CNTN3: variants seen among roughly 807,000 people sequenced by gnomAD.
CNTN3 encodes contactin 3.
Under a neutral mutation model 119.1 loss-of-function variants are expected in CNTN3, and 60 were observed. The observed-to-expected ratio is 0.50, with a 90% CI of 0.41 to 0.62. The LOEUF is 0.62. Ranked by LOEUF, CNTN3 falls within the 20% of genes least tolerant of loss-of-function variation. The pLI is 0.00. For synonymous variants in CNTN3, 450 were observed against 438.7 expected (o/e 1.03, Z -0.32); for missense variants, 1,101 against 1,242.4 (o/e 0.89, Z 1.71).
intron 11 of CNTN3, 73 bp from the exon 12 acceptor site, chr3:74,336,731 A>G (rs1703404511): frequency 1.6e-6 from 2 of 1,259,336 alleles, no homozygotes; most frequent in African/African-American, 1.5e-5. Flanking sequence ...ACATATTTTT[A>G]CAGAACATGT....
intron 13 of CNTN3, among the ~76,000 whole-genome samples, chr3:74,319,407 A>C (rs1299384307): frequency 5.9e-5 from 9 of 152,250 alleles, no homozygotes; most frequent in Middle Eastern, 3.4e-3. Context: ...CAAAAACAAG[A>C]AATGGGGAAA....
intron 8 of CNTN3, among the ~76,000 whole-genome samples, chr3:74,368,249 T>C (rs962925890): frequency 2.6e-5 from 4 of 152,114 alleles, no homozygotes; most frequent in African/African-American, 4.8e-5. Flanking sequence ...TCATAAGACC[T>C]ACAATTTTAG....
chr3:74,267,582 A>C (rs1701688671), intron 20 of CNTN3: 1 of 490,480 alleles, frequency 2.0e-6, no homozygotes, highest in South Asian at 3.1e-5. Flanking sequence ...CATACACCAA[A>C]CCCCCGTGAC....
intron 5 of CNTN3, among the ~76,000 whole-genome samples, chr3:74,376,365 T>C (rs1704475668): frequency 2.0e-5 from 3 of 152,178 alleles, no homozygotes; most frequent in South Asian, 2.1e-4. Flanking sequence ...CTGCTCCCCA[T>C]TGCTCACGTT....
chr3:74,596,600 T>G (rs1215813138), intron 1 of CNTN3, among the ~76,000 whole-genome samples: 2 of 152,126 alleles, frequency 1.3e-5, no homozygotes, highest in African/African-American at 4.8e-5. Flanking sequence ...GATTCCCTAT[T>G]TAATAAATGG....
intron 11 of CNTN3, among the ~76,000 whole-genome samples, chr3:74,341,873 C>G (rs1703557825): frequency 6.6e-6 from 1 of 152,056 alleles, no homozygotes; most frequent in South Asian, 2.1e-4. Flanking sequence ...TTTTTCCCTG[C>G]CTATATTCTT....
intron 1 of CNTN3, among the ~76,000 whole-genome samples, chr3:74,561,911 A>C (rs1037365296): frequency 1.3e-5 from 2 of 152,166 alleles, no homozygotes; most frequent in Admixed American, 6.5e-5. Flanking sequence ...TTTTAATTAA[A>C]ATTTATTTTT....
intron 2 of CNTN3, among the ~76,000 whole-genome samples, chr3:74,516,615 T>A (rs1703455194): frequency 6.6e-6 from 1 of 150,568 alleles, no homozygotes; most frequent in Admixed American, 6.6e-5. Flanking sequence ...GAGTTAAAAG[T>A]TATACATAGA....
intron 4 of CNTN3, among the ~76,000 whole-genome samples, chr3:74,479,657 AGAC>A (rs1019889471): frequency 9.2e-5 from 14 of 152,064 alleles, no homozygotes; most frequent in Admixed American, 5.9e-4. Flanking sequence ...ACACCAAGAA[AGAC>A]GAAGATGTGG....
chr3:74,448,411 T>C (rs1702086967), intron 4 of CNTN3, among the ~76,000 whole-genome samples: 1 of 152,186 alleles, frequency 6.6e-6, no homozygotes, highest in Non-Finnish European at 1.5e-5. Flanking sequence ...AAACATGAAC[T>C]CACTCTTCAT....
chr3:74,479,142 T>C (rs191314408), intron 4 of CNTN3, among the ~76,000 whole-genome samples: 11 of 151,998 alleles, frequency 7.2e-5, no homozygotes, highest in African/African-American at 2.7e-4. Flanking sequence ...ATGCAAGTAA[T>C]AATATGTGTG....
chr3:74,584,854 A>G (rs1704568545), intron 1 of CNTN3, among the ~76,000 whole-genome samples: 1 of 152,182 alleles, frequency 6.6e-6, no homozygotes, highest in African/African-American at 2.4e-5. Context: ...GTGGAGAAGC[A>G]GTACAGCCAG....
chr3:74,519,045 G>A (rs985449048), intron 2 of CNTN3, among the ~76,000 whole-genome samples: 5 of 151,764 alleles, frequency 3.3e-5, no homozygotes, highest in African/African-American at 1.2e-4. Context: ...ATGATCTGTA[G>A]TCTCAATTAT....
chr3:74,591,281 T>G (rs1432015835), intron 1 of CNTN3, among the ~76,000 whole-genome samples: 1 of 152,014 alleles, frequency 6.6e-6, no homozygotes, highest in Admixed American at 6.6e-5. Flanking sequence ...TCAATGAGGT[T>G]TGAAAACCAC....
chr3:74,490,449 T>C (rs1000203591), intron 3 of CNTN3, among the ~76,000 whole-genome samples: 13 of 152,140 alleles, frequency 8.5e-5, no homozygotes, highest in African/African-American at 2.2e-4. Context: ...CATTTGAAAA[T>C]TGTGTTTTTC....
chr3:74,283,837 C>G (rs1559680062), intron 20 of CNTN3, among the ~76,000 whole-genome samples: 1 of 151,926 alleles, frequency 6.6e-6, no homozygotes, highest in Admixed American at 6.6e-5. Context: ...ATTTCCAAAC[C>G]CATGTGCTCT....
At position 74,264,347 on chromosome 3, in the gene CNTN3, C is replaced by G. The variant is rs1701627929; in HGVS notation, c.*54G>C. On this transcript the variant is annotated 3_prime_UTR_variant, in exon 23 of 23. Coordinates refer to ENST00000263665, the MANE Select transcript of CNTN3 (RefSeq NM_020872.3). ...GCATAATCACTGCATTTCATGAAAG[C>G]ACTTTTTTTGGTAACCAAATAACTT... 2 of 972,548 alleles carry G rather than the reference C, an allele frequency of 2.1e-6. No individual in the cohort carries two copies. Among genetic ancestry groups the G allele is most frequent in the Middle Eastern group, 4.5e-4 (2 of 4,402 alleles). 60.2% of individuals were successfully genotyped at this position (972,548 alleles called of 1,614,324 possible). A position where few individuals can be genotyped will look rare whatever the true frequency, so the allele number is the denominator to read the frequency against.
intron 20 of CNTN3, among the ~76,000 whole-genome samples, chr3:74,281,794 C>T (rs531048287): frequency 1.3e-5 from 2 of 152,040 alleles, no homozygotes; most frequent in African/African-American, 4.8e-5. Flanking sequence ...GGGACTATCA[C>T]AGAAGAGAGA....
chr3:74,497,876 T>C (rs1703093251), intron 3 of CNTN3, among the ~76,000 whole-genome samples: 1 of 151,840 alleles, frequency 6.6e-6, no homozygotes, highest in Non-Finnish European at 1.5e-5. Context: ...TATATTTAAA[T>C]ACAGACTCCA....
Sources: gnomAD v4.1 joint callset for allele counts (sites outside exome capture counted in the v4.1 genomes callset) on GRCh38, gnomAD v4.1.1 for gene constraint, MANE v1.5 for transcripts, NCBI Gene and HGNC (gene_info 2026-07-23, HGNC 2026-07-21) for gene names.